Variants in SDK1 observed in about 807,000 individuals in gnomAD.
SDK1 encodes sidekick cell adhesion molecule 1, also known as protein sidekick-1.
A neutral mutation model predicts 245.5 loss-of-function variants in SDK1; 157 were observed. The observed-to-expected ratio is 0.64, with a 90% CI of 0.56 to 0.73. The LOEUF (loss-of-function observed/expected upper bound fraction) is 0.73, where lower values mean the gene tolerates loss of function less well. Ranked by LOEUF, SDK1 falls within the 30% of genes least tolerant of loss-of-function variation. The pLI is 0.00. For missense variants in SDK1, 3,583 were observed against 3,002.3 expected (o/e 1.19, Z -4.52); for synonymous variants, 1,647 against 1,278.5 (o/e 1.29, Z -6.15).
At chr7:4,103,920 C>T (rs753230536) in intron 22 of SDK1, among the ~76,000 whole-genome samples, 16 of 152,252 alleles carry the variant, frequency 1.1e-4, no homozygotes, top group African/African-American at 9.6e-5. Context: ...CTCCGCAGTT[C>T]GGCTGCAAAA....
intron 17 of SDK1, among the ~76,000 whole-genome samples, chr7:4,037,917 G>A (rs1788335744): frequency 6.6e-6 from 1 of 152,114 alleles, no homozygotes; most frequent in Non-Finnish European, 1.5e-5. Flanking sequence ...TCTCTATTAT[G>A]TATTCCAAAG....
rs983273056 is a variant in SDK1, at chr7:3,414,931, T to A, written c.298+113047T>A. On this transcript the variant is annotated intron_variant, in intron 1 of 44. Transcript: ENST00000404826. ...TCTCCATTCTTGATGGCTGAAAAAA[T>A]ATTTCCGTGCACGGATATACCACAT... Among the ~76,000 whole-genome samples, 12 of 152,098 alleles carry A rather than the reference T, an allele frequency of 7.9e-5. No homozygotes were observed. In the South Asian group the frequency reaches 2.3e-3, roughly 29 times the overall value.
intron 22 of SDK1, among the ~76,000 whole-genome samples, chr7:4,107,097 C>T (rs1255203645): frequency 3.1e-5 from 4 of 128,304 alleles, no homozygotes; most frequent in East Asian, 2.3e-4. Context: ...CTCAGGCAGC[C>T]GAATACACAC....
chr7:3,500,490 G>C (rs533582184), intron 1 of SDK1, among the ~76,000 whole-genome samples: 4 of 152,186 alleles, frequency 2.6e-5, no homozygotes, highest in South Asian at 2.1e-4. Context: ...CTTGCTTCCA[G>C]TGTTGCTGTT....
intron 4 of SDK1, among the ~76,000 whole-genome samples, chr7:3,811,538 C>T (rs370886414): frequency 6.6e-6 from 1 of 152,322 alleles, no homozygotes; most frequent in South Asian, 2.1e-4. Context: ...CTTCTTTGGG[C>T]TTTAATTCAG....
intron 13 of SDK1, among the ~76,000 whole-genome samples, chr7:3,978,400 A>C (rs1210835269): frequency 1.3e-5 from 2 of 152,246 alleles, no homozygotes; most frequent in East Asian, 3.8e-4. Flanking sequence ...TATGTATAAA[A>C]TAATAGGCTT....
intron 4 of SDK1, among the ~76,000 whole-genome samples, chr7:3,644,966 C>G (rs187380308): frequency 6.7e-6 from 1 of 148,900 alleles, no homozygotes; most frequent in East Asian, 1.9e-4. Context: ...GCTTTCCTCT[C>G]AAGCACTGGA....
intron 4 of SDK1, among the ~76,000 whole-genome samples, chr7:3,687,419 G>A (rs563708848): frequency 3.3e-5 from 5 of 152,150 alleles, no homozygotes; most frequent in Middle Eastern, 6.8e-3. Context: ...GAGCCACCCC[G>A]CCCAGCCCCA....
chr7:3,812,621 G>A (rs1779412561), intron 4 of SDK1, among the ~76,000 whole-genome samples: 1 of 152,216 alleles, frequency 6.6e-6, no homozygotes, highest in Admixed American at 6.5e-5. Flanking sequence ...CAAGGCATGG[G>A]CCATTATGGT....
At chr7:3,836,273 A>G (rs2115080940) in intron 5 of SDK1, among the ~76,000 whole-genome samples, 1 of 152,356 alleles carries the variant, frequency 6.6e-6, no homozygotes, top group East Asian at 1.9e-4. Flanking sequence ...CAAGCCATTC[A>G]ATATGCAATT....
intron 4 of SDK1, among the ~76,000 whole-genome samples, chr7:3,730,307 T>C (rs2115039868): frequency 6.6e-6 from 1 of 152,322 alleles, no homozygotes; most frequent in South Asian, 2.1e-4. Context: ...ATGCCTGTTG[T>C]TAAAGGAATC....
Position 3,344,018 on chromosome 7 carries a change from C to CAAA in SDK1, c.298+42150_298+42152dup, listed in dbSNP as rs397939224. Among the ~76,000 whole-genome samples the CAAA allele has an allele frequency of 2.2e-3, 270 of 122,532 alleles. 3 individuals carry two copies. Among genetic ancestry groups the CAAA allele is most frequent in the African/African-American group, 7.1e-3 (255 of 36,036 alleles). 80.4% of individuals were successfully genotyped at this position (122,532 alleles called of 152,430 possible). The stretch of plus-strand genomic sequence containing the variant: ...ACCATAGTTGCTAAACACATACAAC[C>CAAA]AAAAAAAAAAAAAAAAAACTAGAAA... On this transcript the variant is annotated intron_variant, in intron 1 of 44. Transcript: ENST00000404826.
At chr7:3,854,318 C>G (rs1780488632) in intron 5 of SDK1, among the ~76,000 whole-genome samples, 1 of 152,130 alleles carries the variant, frequency 6.6e-6, no homozygotes, top group Non-Finnish European at 1.5e-5. Context: ...GATGCCTTAT[C>G]TGAAAATATA....
At chr7:4,111,092 C>G (rs1432897356) in intron 23 of SDK1, among the ~76,000 whole-genome samples, 1 of 152,138 alleles carries the variant, frequency 6.6e-6, no homozygotes, top group Non-Finnish European at 1.5e-5. Context: ...GGCACTTTAC[C>G]AAACTCCACA....
chr7:3,821,818 G>C (rs1196505695), intron 5 of SDK1, among the ~76,000 whole-genome samples: 1 of 151,196 alleles, frequency 6.6e-6, no homozygotes, highest in East Asian at 1.9e-4. Context: ...GATCTTTTTT[G>C]GGAATTAAAA....
At chr7:3,507,565 C>T (rs1365956818) in intron 1 of SDK1, among the ~76,000 whole-genome samples, 3 of 152,080 alleles carry the variant, frequency 2.0e-5, no homozygotes, top group Non-Finnish European at 4.4e-5. Flanking sequence ...CTGACAGTCC[C>T]CTCTGTATTA....
At chr7:3,913,035 G>A (rs1256008292) in intron 5 of SDK1, among the ~76,000 whole-genome samples, 1 of 152,180 alleles carries the variant, frequency 6.6e-6, no homozygotes, top group Non-Finnish European at 1.5e-5. Flanking sequence ...CTTCTAAAGT[G>A]AGAGCTTGTG....
At chr7:4,242,009 C>A in intron 43 of SDK1, 96 bp downstream of exon 43, 1 of 1,456,436 alleles carries the variant, frequency 6.9e-7, no homozygotes, top group Admixed American at 2.0e-5. Context: ...GCATCCCGCC[C>A]TGTGGTTCCA....
chr7:4,137,226 C>T (rs979886293), intron 28 of SDK1, among the ~76,000 whole-genome samples: 19 of 152,184 alleles, frequency 1.2e-4, no homozygotes, highest in African/African-American at 3.6e-4. Context: ...ACCCGGGAGG[C>T]GGAGGTTGCA....
Sources: allele counts gnomAD v4.1 joint callset (sites outside exome capture counted in the v4.1 genomes callset), GRCh38; gene constraint gnomAD v4.1.1; transcripts MANE v1.5; gene names NCBI Gene and HGNC (gene_info 2026-07-23, HGNC 2026-07-21).